Variants in MED13L observed in about 807,000 individuals in gnomAD.
MED13L encodes mediator complex subunit 13L.
In MED13L, 7 loss-of-function variants were observed where a neutral mutation model predicts 220.9. The ratio of observed to expected loss-of-function variants is 0.03; its 90% confidence interval spans 0.02 to 0.06. The LOEUF (loss-of-function observed/expected upper bound fraction) is 0.06. MED13L is among the 10% of genes least tolerant of loss of function. The pLI is 1.00. For synonymous variants in MED13L, 1,011 were observed against 1,015.2 expected (o/e 1.00, Z 0.08); for missense variants, 1,965 against 2,760.5 (o/e 0.71, Z 6.46).
chr12:116,180,870 T>A (rs185454823), intron 2 of MED13L, among the ~76,000 whole-genome samples: 1 of 152,226 alleles, frequency 6.6e-6, no homozygotes, highest in African/African-American at 2.4e-5. Context: ...ACTATATAAT[T>A]ACATTGTTTA....
intron 16 of MED13L, among the ~76,000 whole-genome samples, chr12:115,994,784 T>C (rs566140378): frequency 6.6e-6 from 1 of 152,350 alleles, no homozygotes; most frequent in South Asian, 2.1e-4. Flanking sequence ...CTGAGTAAGC[T>C]AGAGTACAAT....
chr12:116,022,167 G>T (rs1438864009), intron 5 of MED13L, among the ~76,000 whole-genome samples: 1 of 152,100 alleles, frequency 6.6e-6, no homozygotes, highest in African/African-American at 2.4e-5. Flanking sequence ...TATTTTTCAA[G>T]TATTTATTGA....
At chr12:116,175,941 A>G (rs1442762341) in intron 2 of MED13L, among the ~76,000 whole-genome samples, 2 of 152,196 alleles carry the variant, frequency 1.3e-5, no homozygotes, top group East Asian at 3.8e-4. Context: ...GTCCAACATA[A>G]TATCGAAAAT....
At chr12:116,061,900 C>T (rs1295461836) in intron 4 of MED13L, among the ~76,000 whole-genome samples, 1 of 149,472 alleles carries the variant, frequency 6.7e-6, no homozygotes, top group South Asian at 2.1e-4. Flanking sequence ...CCCAGCTACT[C>T]AGGAGGCTGA....
At chr12:116,238,843 T>A (rs1870341557) in intron 1 of MED13L, among the ~76,000 whole-genome samples, 1 of 152,186 alleles carries the variant, frequency 6.6e-6, no homozygotes, top group African/African-American at 2.4e-5. Context: ...ACGCCTGTAA[T>A]CCCAGCACTT....
intron 22 of MED13L, chr12:115,982,100 A>G (rs1160713999): frequency 2.7e-6 from 1 of 372,570 alleles, no homozygotes; most frequent in African/African-American, 2.1e-5. Context: ...GCACAACATG[A>G]CCAAAAATAT....
intron 2 of MED13L, among the ~76,000 whole-genome samples, chr12:116,227,176 T>C (rs964737018): frequency 6.6e-6 from 1 of 152,142 alleles, no homozygotes; most frequent in African/African-American, 2.4e-5. Context: ...AACTCAAAGG[T>C]AGCCTTCTGC....
rs139356864 is a variant in MED13L at position 116,191,927 on chromosome 12, G to A, written c.310+45541C>T. Among the ~76,000 whole-genome samples, 4 of 152,110 alleles carry A rather than the reference G, an allele frequency of 2.6e-5. No homozygotes were observed. In the East Asian group the frequency reaches 7.7e-4, roughly 29 times the overall value. ...TCACCGAGGAACTATCAAAGGGAAG[G>A]CAAAGAAGAGAATACACACAAACTA... On this transcript the variant is annotated intron_variant, in intron 2 of 30. Transcript: ENST00000281928.
chr12:116,272,683 T>G (rs995022698), intron 1 of MED13L, among the ~76,000 whole-genome samples: 3 of 152,144 alleles, frequency 2.0e-5, no homozygotes, highest in Admixed American at 2.0e-4. Context: ...CTACCTAACT[T>G]CTTCCCAGTG....
intron 4 of MED13L, among the ~76,000 whole-genome samples, chr12:116,067,080 A>AGTAG (rs2137664181): frequency 6.6e-6 from 1 of 152,314 alleles, no homozygotes; most frequent in African/African-American, 2.4e-5. Context: ...TACTGGAAAT[A>AGTAG]TACTGACACA....
At chr12:116,033,536 C>A (rs1240295023) in intron 4 of MED13L, among the ~76,000 whole-genome samples, 1 of 152,064 alleles carries the variant, frequency 6.6e-6, no homozygotes, top group Non-Finnish European at 1.5e-5. Context: ...GTTTCTAACT[C>A]TTTATTCCAA....
At chr12:116,173,950 T>G (rs995702232) in intron 2 of MED13L, among the ~76,000 whole-genome samples, 7 of 151,944 alleles carry the variant, frequency 4.6e-5, no homozygotes, top group Non-Finnish European at 1.0e-4. Flanking sequence ...AAAGTAAAAA[T>G]TAGCCCAGTG....
intron 3 of MED13L, among the ~76,000 whole-genome samples, chr12:116,102,149 T>A (rs571260296): frequency 2.0e-5 from 3 of 152,334 alleles, no homozygotes; most frequent in African/African-American, 7.2e-5. Flanking sequence ...TCAGGCTGTG[T>A]GTATGTGTGT....
intron 2 of MED13L, among the ~76,000 whole-genome samples, chr12:116,210,550 CCTATAT>C (rs1410198360): frequency 5.0e-5 from 3 of 60,386 alleles, no homozygotes; most frequent in Non-Finnish European, 9.3e-5. Context: ...CAGAACGTAA[CCTATAT>C]ATATATATAT....
chr12:116,195,782 GA>G (rs900841743), intron 2 of MED13L, among the ~76,000 whole-genome samples: 25 of 151,240 alleles, frequency 1.7e-4, no homozygotes, highest in African/African-American at 5.6e-4. Context: ...TTTATAAAGG[GA>G]AAAAAAATCA....
chr12:116,192,330 T>C (rs1437960416), intron 2 of MED13L, among the ~76,000 whole-genome samples: 1 of 152,194 alleles, frequency 6.6e-6, no homozygotes, highest in Non-Finnish European at 1.5e-5. Flanking sequence ...TTATATTTGT[T>C]TTGAAGAAAA....
intron 14 of MED13L, among the ~76,000 whole-genome samples, chr12:116,002,473 AG>A (rs1191843104): frequency 6.6e-6 from 1 of 152,144 alleles, no homozygotes; most frequent in African/African-American, 2.4e-5. Flanking sequence ...TTGGTTTCTT[AG>A]GGCAAAGAAT....
At chr12:115,964,583 C>T (rs1876010023) in intron 29 of MED13L, among the ~76,000 whole-genome samples, 1 of 152,090 alleles carries the variant, frequency 6.6e-6, no homozygotes. Context: ...CAAATGATGA[C>T]TGATTTTTTG....
intron 5 of MED13L, 99 bp from the exon 6 acceptor site, chr12:116,020,071 T>A: frequency 1.9e-6 from 2 of 1,031,996 alleles, no homozygotes; most frequent in Non-Finnish European, 3.0e-6. Flanking sequence ...CAGTATCACT[T>A]AATGTGCATT....
Sources: allele counts gnomAD v4.1 joint callset (sites outside exome capture counted in the v4.1 genomes callset), GRCh38; gene constraint gnomAD v4.1.1; transcripts MANE v1.5; gene names NCBI Gene and HGNC (gene_info 2026-07-23, HGNC 2026-07-21).